NRBP1: variants seen among roughly 807,000 people sequenced by gnomAD.
NRBP1 encodes the protein nuclear receptor binding protein 1, also known as nuclear receptor-binding protein.
Under a neutral mutation model 76.0 loss-of-function variants are expected in NRBP1, and 10 were observed. That is an observed-to-expected ratio of 0.13 (90% CI 0.08 to 0.22). The LOEUF is 0.22. NRBP1 is among the 10% of genes least tolerant of loss of function. NRBP1 has a pLI of 1.00. For synonymous variants in NRBP1, 235 were observed against 240.2 expected (o/e 0.98, Z 0.20); for missense variants, 344 against 646.0 (o/e 0.53, Z 5.07).
At chr2:27,440,171 CTGGGTAAT>C in intron 11 of NRBP1, 1 of 565,900 alleles carries the variant, frequency 1.8e-6, no homozygotes, top group East Asian at 3.2e-5. Flanking sequence ...GCCACCATGC[CTGGGTAAT>C]TTTTGTACTT....
intron 11 of NRBP1, 29 bp downstream of exon 11, chr2:27,439,927 G>A: frequency 6.7e-7 from 1 of 1,501,130 alleles, no homozygotes; most frequent in Non-Finnish European, 9.0e-7. Flanking sequence ...ATGGGGAATA[G>A]TCTTCCAATC....
intron 1 of NRBP1, 119 bp downstream of exon 1, chr2:27,428,850 C>G (rs1394407808): frequency 2.5e-6 from 1 of 397,652 alleles, no homozygotes; most frequent in African/African-American, 2.1e-5. Context: ...CGGCCCTGCT[C>G]ACTCAGTAGC....
At chr2:27,437,400 C>T in intron 10 of NRBP1, 40 bp downstream of exon 10, 1 of 1,448,670 alleles carries the variant, frequency 6.9e-7, no homozygotes, top group Non-Finnish European at 9.7e-7. Context: ...AACTGACCTT[C>T]AAATGTCTTC....
intron 1 of NRBP1, 133 bp from the exon 2 acceptor site, chr2:27,433,121 T>C (rs1218464460): frequency 8.5e-6 from 5 of 585,506 alleles, no homozygotes; most frequent in African/African-American, 7.4e-5. Context: ...TCAGGTGATC[T>C]GCCCACCTCA....
chr2:27,433,951 T>C lies in NRBP1; in HGVS notation c.334-38T>C, dbSNP rs376188200. Reference sequence around the variant, plus strand: ...GGCTTCTCAGGATTATTACAGTGATTTGTGACTCTGTTATTCCACTGTCTC... The same window carrying C: ...GGCTTCTCAGGATTATTACAGTGATCTGTGACTCTGTTATTCCACTGTCTC... On this transcript the variant is annotated intron_variant, in intron 3 of 17. Coordinates refer to ENST00000379852, the MANE Select transcript of NRBP1 (RefSeq NM_013392.4). 6.3e-5 allele frequency: 97 copies of C among 1,549,906 alleles called. 2 individuals carry two copies. The African/African-American group carries it at 1.8e-3, about 29-fold the overall frequency.
rs745505879 is a variant in NRBP1 at position 27,433,590 on chromosome 2, TAGG to T, written c.211-77_211-75del. On this transcript the variant is annotated intron_variant, in intron 2 of 17. Transcript: ENST00000379852. ...AACCAAACTTCAATAGGTTGGGGGC[TAGG>T]AGGAGATGATCATATGGAGTGTTAA... 1,709 of 1,604,238 alleles carry T rather than the reference TAGG, an allele frequency of 1.1e-3. 3 individuals carry two copies. Among genetic ancestry groups the T allele is most frequent in the Non-Finnish European group, 1.2e-3 (1,449 of 1,172,788 alleles).
chr2:27,439,014 C>G (rs1033962004), intron 10 of NRBP1, among the ~76,000 whole-genome samples: 8 of 151,876 alleles, frequency 5.3e-5, no homozygotes, highest in African/African-American at 1.9e-4. Context: ...CTGGGAAATT[C>G]GGTGAATTCA....
Position 27,434,725 on chromosome 2 carries a change from T to G in NRBP1, c.529T>G (p.Trp177Gly), listed in dbSNP as rs1416126166. ...KNHKTMNEKA[W>G]KRWCTQILSA... is the part of the protein sequence containing the mutation. Reference sequence around the variant, plus strand: ...CTTGGATCCAACTTTGTTCCAGGCATGGAAGCGTTGGTGCACACAAATCCT... The same window carrying G: ...CTTGGATCCAACTTTGTTCCAGGCAGGGAAGCGTTGGTGCACACAAATCCT... The change falls in exon 6 of 18, where the codon TGG becomes GGG. Residue 177 changes from tryptophan (W) to glycine (G), a missense_variant. Coordinates refer to ENST00000379852, the MANE Select transcript of NRBP1 (RefSeq NM_013392.4). The G allele has an allele frequency of 6.2e-7, 1 of 1,614,210 alleles. No homozygotes were observed. The highest frequency in any genetic ancestry group is 1.7e-5 in the Admixed American group (1 of 60,026).
chr2:27,437,689 G>A (rs1240333886), intron 10 of NRBP1, among the ~76,000 whole-genome samples: 1 of 151,880 alleles, frequency 6.6e-6, no homozygotes, highest in Non-Finnish European at 1.5e-5. Context: ...GGCTAACATG[G>A]TGAAACCCTG....
chr2:27,439,780 G>A lies in NRBP1; in HGVS notation c.918G>A (p.Lys306=), dbSNP rs1047100265. 3 of 1,613,936 alleles carry A rather than the reference G, an allele frequency of 1.9e-6. No homozygotes were observed. The highest frequency in any genetic ancestry group is 1.3e-5 in the African/African-American group (1 of 74,898). ...EDPLQREFIQ[K]CLQSEPARRP... The stretch of plus-strand genomic sequence containing the variant: ...TCCTTTTCTAGGAGTTCATTCAAAA[G>A]TGCCTGCAGTCTGAGCCTGCTCGCA... The change falls in exon 11 of 18, where the codon AAG becomes AAA. Residue 306 remains lysine, a synonymous_variant. Transcript: ENST00000379852.
intron 3 of NRBP1, 44 bp from the exon 4 acceptor site, chr2:27,433,945 A>G: frequency 6.5e-7 from 1 of 1,549,768 alleles, no homozygotes; most frequent in Non-Finnish European, 8.7e-7. Flanking sequence ...GGATTATTAC[A>G]GTGATTTGTG....
chr2:27,440,935 C>T lies in NRBP1; in HGVS notation c.1324C>T (p.Arg442Cys). Reference protein sequence around the residue: ...PTPEPAEVETRKVVLMQCNIE... With the variant: ...PTPEPAEVETCKVVLMQCNIE... ...ACCTGAACCAGCTGAGGTGGAGACT[C>T]GCAAGGTGGGGGCTGTGTGGGTGTG... Residue 442 changes from arginine to cysteine, a missense_variant, in exon 14 of 18, where the codon CGC (arginine) becomes TGC (cysteine). Physicochemically the swap from Arg to Cys is radical, Grantham distance 180. This residue lies in a region of NRBP1 where 218 missense variants were observed against 309.8 expected (regional missense o/e 0.70). Transcript: ENST00000379852. 6.2e-7 allele frequency: 1 copy of T among 1,613,340 alleles called. No individual in the cohort carries two copies. Among genetic ancestry groups the T allele is most frequent in the Non-Finnish European group, 8.5e-7 (1 of 1,180,030 alleles).
At chr2:27,439,991 GATTCTTTTTTTTTT>G in intron 11 of NRBP1, 93 bp downstream of exon 11, 5 of 356,802 alleles carry the variant, frequency 1.4e-5, no homozygotes, top group East Asian at 1.4e-4. Context: ...TTTCCAAAGG[GATTCTTTTTTTTTT>G]TTTTTTTTTT....
At chr2:27,428,478 G>T (rs893745541), upstream of NRBP1, 4 of 393,628 alleles carry the variant, frequency 1.0e-5, no homozygotes, top group Admixed American at 4.4e-5. Context: ...CGGCCGGACC[G>T]GCGCAAGGGG....
Position 27,433,776 on chromosome 2 carries a change from A to G in NRBP1, c.314A>G (p.Lys105Arg), listed in dbSNP as rs369322316. The G allele has an allele frequency of 6.2e-7, 1 of 1,614,124 alleles. No individual in the cohort carries two copies. Among genetic ancestry groups the G allele is most frequent in the African/African-American group, 1.3e-5 (1 of 74,946 alleles). The stretch of plus-strand genomic sequence containing the variant: ...AATGAGGTACAGTTCTCTGAACGCA[A>G]GAACTACAAGCTGCAGGAGGTAGGT... ...VWNEVQFSERKNYKLQEEKVR... is the reference protein window; with the variant it reads ...VWNEVQFSERRNYKLQEEKVR... Residue 105 changes from lysine (K) to arginine (R), a missense_variant, in exon 3 of 18, where the codon AAG becomes AGG. By Grantham distance (26) the Lys-to-Arg change is conservative. This residue lies in a region of NRBP1 where 73 missense variants were observed against 287.8 expected (regional missense o/e 0.25). Coordinates refer to ENST00000379852, the MANE Select transcript of NRBP1 (RefSeq NM_013392.4).
In NRBP1 at chr2:27,441,988, TC is replaced by T; in HGVS notation, c.*178del. On this transcript the variant is annotated 3_prime_UTR_variant, in exon 18 of 18. Coordinates refer to ENST00000379852, the MANE Select transcript of NRBP1 (RefSeq NM_013392.4). Reference sequence around the variant, plus strand: ...CATCATCCTTTCCCCTCCCCTCTCTTCCTCCCCTCTGCACTTTGTTTACTTG... The same window carrying T: ...CATCATCCTTTCCCCTCCCCTCTCTTCTCCCCTCTGCACTTTGTTTACTTG... The T allele has an allele frequency of 1.7e-6, 1 of 590,612 alleles. No individual in the cohort carries two copies. Among genetic ancestry groups the T allele is most frequent in the East Asian group, 2.8e-5 (1 of 36,108 alleles). 36.6% of individuals were successfully genotyped at this position (590,612 alleles called of 1,614,324 possible).
intron 11 of NRBP1, 53 bp downstream of exon 11, chr2:27,439,951 C>A: frequency 7.5e-7 from 1 of 1,334,346 alleles, no homozygotes; most frequent in South Asian, 1.3e-5. Flanking sequence ...AGCCCTGTAA[C>A]TATCACTGGC....
chr2:27,440,330 T>A, intron 11 of NRBP1, 73 bp from the exon 12 acceptor site: 1 of 1,055,094 alleles, frequency 9.5e-7, no homozygotes. Flanking sequence ...TCTTTACCCC[T>A]TTGCCTGCAT....
chr2:27,441,030 T>G (rs1018839512), intron 14 of NRBP1, 90 bp downstream of exon 14: 9 of 1,608,110 alleles, frequency 5.6e-6, no homozygotes, highest in Non-Finnish European at 6.8e-6. Flanking sequence ...TTAGAGAAAA[T>G]GCTCCCTAGC....
Sources: gnomAD v4.1 joint callset for allele counts (sites outside exome capture counted in the v4.1 genomes callset) on GRCh38, gnomAD v4.1.1 for gene constraint, gnomAD v4.1.1 regional missense constraint, MANE v1.5 for transcripts, NCBI Gene and HGNC (gene_info 2026-07-23, HGNC 2026-07-21) for gene names.